PCBP3: variants seen among roughly 807,000 people sequenced by gnomAD.
PCBP3 encodes poly(rC)-binding protein 3.
PCBP3 carries 25 observed loss-of-function variants against 52.7 expected under a neutral mutation model. That is an observed-to-expected ratio of 0.47 (90% CI 0.35 to 0.66). PCBP3 has a LOEUF of 0.66. Among genes scored for constraint, PCBP3 ranks in the 30% least tolerant of loss-of-function variants. The pLI, the probability that PCBP3 is intolerant of heterozygous loss-of-function variation, is 0.01. For synonymous variants in PCBP3, 162 were observed against 183.0 expected, an observed-to-expected ratio of 0.89 and a Z score of 0.93; for missense variants, 391 against 490.3, an observed-to-expected ratio of 0.80 and a Z score of 1.91.
At chr21:45,671,719 A>G (rs181551205) in intron 2 of PCBP3, among the ~76,000 whole-genome samples, 21 of 152,260 alleles carry the variant, frequency 1.4e-4, no homozygotes, top group Admixed American at 1.4e-3. Flanking sequence ...CAATTTTTTG[A>G]TGAGTGTCTG....
chr21:45,885,611 C>G (rs1190041328), intron 5 of PCBP3, among the ~76,000 whole-genome samples: 3 of 152,012 alleles, frequency 2.0e-5, no homozygotes, highest in African/African-American at 7.3e-5. Context: ...GGACGGGGTA[C>G]TTTCTGTTGT....
intron 5 of PCBP3, among the ~76,000 whole-genome samples, chr21:45,861,616 C>G (rs950728397): frequency 2.0e-5 from 3 of 152,152 alleles, no homozygotes; most frequent in African/African-American, 7.2e-5. Flanking sequence ...GTATCCTCCT[C>G]CTCTTCTTCC....
chr21:45,811,624 A>G (rs145040083), intron 4 of PCBP3, among the ~76,000 whole-genome samples: 1 of 152,290 alleles, frequency 6.6e-6, no homozygotes, highest in East Asian at 1.9e-4. Flanking sequence ...TTCCCTTTCT[A>G]CCTGCTAATA....
intron 4 of PCBP3, among the ~76,000 whole-genome samples, chr21:45,782,690 C>T (rs975224620): frequency 6.6e-6 from 1 of 152,152 alleles, no homozygotes; most frequent in Non-Finnish European, 1.5e-5. Context: ...AAACAGCCTA[C>T]CCTGAAATGA....
intron 4 of PCBP3, among the ~76,000 whole-genome samples, chr21:45,773,865 G>T (rs564194404): frequency 6.6e-6 from 1 of 152,118 alleles, no homozygotes; most frequent in Non-Finnish European, 1.5e-5. Context: ...TCGTATCCAC[G>T]AACATGGGAT....
intron 2 of PCBP3, among the ~76,000 whole-genome samples, chr21:45,707,027 G>T (rs1471486840): frequency 6.6e-6 from 1 of 152,162 alleles, no homozygotes; most frequent in Non-Finnish European, 1.5e-5. Flanking sequence ...GGCCCCTAAG[G>T]TCAGCTTCTG....
At chr21:45,930,041 G>A (rs976579623) in intron 14 of PCBP3, 46 bp downstream of exon 14, 2 of 1,377,428 alleles carry the variant, frequency 1.5e-6, no homozygotes, top group Non-Finnish European at 2.1e-6. Flanking sequence ...CTCACCTGGG[G>A]ACTTTCTCTT....
chr21:45,791,235 T>C lies in PCBP3; in HGVS notation c.-126+35783T>C, dbSNP rs535992585. Among the ~76,000 whole-genome samples, 2 of 152,186 alleles carry C rather than the reference T, an allele frequency of 1.3e-5. No individual in the cohort carries two copies. The highest frequency in any genetic ancestry group is 2.9e-5 in the Non-Finnish European group (2 of 68,022). ...TATGAGATATGCATATTTATATGTT[T>C]TTGATGTACGATAAAAGGCAGTTTC... is the stretch of plus-strand genomic sequence containing the variant. On this transcript the variant is annotated intron_variant, in intron 4 of 17. Coordinates refer to ENST00000681687, the MANE Select transcript of PCBP3 (RefSeq NM_001384156.1). The surrounding 1 kb of genome is among the most constrained non-coding windows in gnomAD (Gnocchi z 4.2).
intron 1 of PCBP3, among the ~76,000 whole-genome samples, chr21:45,645,704 A>G (rs1474839098): frequency 6.6e-6 from 1 of 152,222 alleles, no homozygotes; most frequent in South Asian, 2.1e-4. Context: ...CAATCTAGCT[A>G]TTCAGATTTG....
intron 5 of PCBP3, chr21:45,873,210 T>G (rs2095107423): frequency 6.6e-6 from 1 of 152,294 alleles, no homozygotes; most frequent in African/African-American, 2.4e-5. Flanking sequence ...TCCACTGCCC[T>G]TTGGATCACG....
chr21:45,925,019 G>A (rs771409501), intron 13 of PCBP3, among the ~76,000 whole-genome samples: 4 of 92,434 alleles, frequency 4.3e-5, no homozygotes, highest in Admixed American at 9.7e-5. Flanking sequence ...GAGGAGATGC[G>A]AACACCGGGA....
chr21:45,867,573 C>G (rs2094796095), intron 5 of PCBP3, among the ~76,000 whole-genome samples: 1 of 152,254 alleles, frequency 6.6e-6, no homozygotes, highest in Admixed American at 6.5e-5. Flanking sequence ...AATCTGCCAC[C>G]CGACCCTTGT....
At chr21:45,906,282 A>G (rs1603483789) in intron 9 of PCBP3, among the ~76,000 whole-genome samples, 1 of 152,258 alleles carries the variant, frequency 6.6e-6, no homozygotes, top group South Asian at 2.1e-4. Context: ...GTAAGGGAGA[A>G]TAATTTTGTT....
chr21:45,764,399 G>A (rs2145598253), intron 4 of PCBP3, among the ~76,000 whole-genome samples: 1 of 152,364 alleles, frequency 6.6e-6, no homozygotes, highest in East Asian at 1.9e-4. Flanking sequence ...TGGGATTACA[G>A]GCGTGAGCCA....
intron 5 of PCBP3, among the ~76,000 whole-genome samples, chr21:45,850,913 T>C (rs1348026349): frequency 2.0e-5 from 3 of 152,158 alleles, no homozygotes; most frequent in South Asian, 4.1e-4. Context: ...TAATATGCTA[T>C]AAAAAACTCT....
chr21:45,717,123 A>G (rs1402303495), intron 2 of PCBP3, among the ~76,000 whole-genome samples: 1 of 152,010 alleles, frequency 6.6e-6, no homozygotes, highest in Non-Finnish European at 1.5e-5. Context: ...TTACGAATGG[A>G]TTTTTTAAAA....
intron 9 of PCBP3, chr21:45,901,385 T>C: frequency 5.0e-6 from 2 of 403,732 alleles, no homozygotes; most frequent in Non-Finnish European, 4.7e-6. Context: ...GACCCTGCCC[T>C]GGGGCACCGA....
At chr21:45,795,248 T>G (rs2091860836) in intron 4 of PCBP3, among the ~76,000 whole-genome samples, 1 of 151,654 alleles carries the variant, frequency 6.6e-6, no homozygotes. Context: ...ACGAGGAATT[T>G]GAATAGCATT....
At chr21:45,748,651 G>T (rs947688914) in intron 3 of PCBP3, among the ~76,000 whole-genome samples, 1 of 152,230 alleles carries the variant, frequency 6.6e-6, no homozygotes, top group Admixed American at 6.5e-5. Context: ...TACCTTCTTT[G>T]CTGAGCTTGT....
Sources: gnomAD v4.1 joint callset for allele counts (sites outside exome capture counted in the v4.1 genomes callset) on GRCh38, gnomAD v4.1.1 for gene constraint, Gnocchi (gnomAD v3.1) non-coding constraint, MANE v1.5 for transcripts, NCBI Gene and HGNC (gene_info 2026-07-23, HGNC 2026-07-21) for gene names.